The following PLCL1 variants were observed in gnomAD, a reference collection of about 807,000 sequenced individuals.
PLCL1 encodes inactive phospholipase C-like protein 1.
Under a neutral mutation model 84.4 loss-of-function variants are expected in PLCL1, and 41 were observed. The ratio of observed to expected loss-of-function variants is 0.49; its 90% confidence interval spans 0.38 to 0.63. The LOEUF is 0.63. Ranked by LOEUF, PLCL1 falls within the 30% of genes least tolerant of loss-of-function variation. The pLI is 0.00. For missense variants in PLCL1, 1,206 were observed against 1,367.8 expected (o/e 0.88, Z 1.87); for synonymous variants, 490 against 488.3 (o/e 1.00, Z -0.05).
chr2:197,986,074 T>A (rs1282664353), intron 1 of PLCL1, among the ~76,000 whole-genome samples: 1 of 152,204 alleles, frequency 6.6e-6, no homozygotes, highest in East Asian at 1.9e-4. Flanking sequence ...ATTAGATTCC[T>A]ATATGACATC....
chr2:197,910,819 G>A (rs553560926), intron 1 of PLCL1, among the ~76,000 whole-genome samples: 12 of 152,184 alleles, frequency 7.9e-5, no homozygotes, highest in African/African-American at 2.2e-4. Flanking sequence ...TCAATGTAAC[G>A]CATATTACAT....
chr2:198,131,047 C>T (rs952302878), intron 5 of PLCL1, among the ~76,000 whole-genome samples: 5 of 152,122 alleles, frequency 3.3e-5, no homozygotes, highest in Non-Finnish European at 5.9e-5. Context: ...CTTCGTCTCT[C>T]ATTGCCTTCT....
At chr2:197,923,159 C>G (rs1688748267) in intron 1 of PLCL1, among the ~76,000 whole-genome samples, 2 of 142,122 alleles carry the variant, frequency 1.4e-5, no homozygotes, top group South Asian at 2.3e-4. Flanking sequence ...GGCGGCCGGG[C>G]AGAGGCGCCC....
At chr2:197,843,805 T>G (rs766392725) in intron 1 of PLCL1, among the ~76,000 whole-genome samples, 2 of 152,208 alleles carry the variant, frequency 1.3e-5, no homozygotes, top group Non-Finnish European at 2.9e-5. Flanking sequence ...AACTTACTCT[T>G]ATTGCAAATA....
chr2:197,878,580 G>A (rs925870471), intron 1 of PLCL1, among the ~76,000 whole-genome samples: 4 of 152,068 alleles, frequency 2.6e-5, no homozygotes, highest in African/African-American at 9.7e-5. Context: ...AAGTCAATGG[G>A]GGATGAAAGT....
chr2:197,850,031 GACACACACACACACACACACAC>G (rs5837563), intron 1 of PLCL1, among the ~76,000 whole-genome samples: 3 of 135,036 alleles, frequency 2.2e-5, no homozygotes, highest in East Asian at 2.3e-4. Context: ...GACACACACA[GACACACACACACACACACACAC>G]ACACACACAC....
chr2:197,847,626 A>C (rs1687148130), intron 1 of PLCL1, among the ~76,000 whole-genome samples: 1 of 152,210 alleles, frequency 6.6e-6, no homozygotes, highest in South Asian at 2.1e-4. Context: ...ACTCACTGAA[A>C]CTGAAATTTG....
chr2:198,090,569 T>C (rs1434408212), intron 3 of PLCL1, among the ~76,000 whole-genome samples: 1 of 152,206 alleles, frequency 6.6e-6, no homozygotes, highest in Admixed American at 6.5e-5. Context: ...CATGTTCTGC[T>C]TATGAATGAC....
At chr2:197,876,513 A>C (rs1014807842) in intron 1 of PLCL1, among the ~76,000 whole-genome samples, 2 of 152,106 alleles carry the variant, frequency 1.3e-5, no homozygotes, top group Non-Finnish European at 2.9e-5. Flanking sequence ...AATTTAAAGA[A>C]CAGATTGAAT....
chr2:198,033,197 A>G (rs1339152226), intron 1 of PLCL1, among the ~76,000 whole-genome samples: 1 of 152,224 alleles, frequency 6.6e-6, no homozygotes, highest in Non-Finnish European at 1.5e-5. Context: ...AAGCACTGAG[A>G]CTATGCAGTG....
intron 1 of PLCL1, among the ~76,000 whole-genome samples, chr2:198,053,049 T>C (rs1168083651): frequency 6.6e-6 from 1 of 152,218 alleles, no homozygotes; most frequent in Non-Finnish European, 1.5e-5. Context: ...CTGAGAGACC[T>C]TCAAGTTCTA....
At position 197,876,557 on chromosome 2, in the gene PLCL1, G is replaced by A. The variant is rs115836431; in HGVS notation, c.240+71218G>A. ...ATGGCAACTGGATGGTAAACTCCTTGAAGATAGGACATCTTATACTACCTT... is the reference window on the plus strand; with the variant it reads ...ATGGCAACTGGATGGTAAACTCCTTAAAGATAGGACATCTTATACTACCTT... On this transcript the variant is annotated intron_variant, in intron 1 of 5. Coordinates refer to ENST00000428675, the MANE Select transcript of PLCL1 (RefSeq NM_006226.4). Among the ~76,000 whole-genome samples the A allele has an allele frequency of 4.3e-3, 658 of 152,070 alleles. 5 individuals are homozygous for A. Among genetic ancestry groups the A allele is most frequent in the African/African-American group, 0.015 (630 of 41,508 alleles).
intron 1 of PLCL1, among the ~76,000 whole-genome samples, chr2:198,041,983 G>A (rs1404837181): frequency 1.3e-5 from 2 of 152,188 alleles, no homozygotes; most frequent in Non-Finnish European, 2.9e-5. Flanking sequence ...CTATCTGCAA[G>A]TGATGAATCA....
At chr2:197,868,694 A>C in intron 1 of PLCL1, among the ~76,000 whole-genome samples, 2 of 148,256 alleles carry the variant, frequency 1.3e-5, no homozygotes, top group African/African-American at 2.5e-5. Context: ...TTTAGTAGAG[A>C]TAAGGTCTCG....
chr2:198,027,036 G>A (rs967968565), intron 1 of PLCL1, among the ~76,000 whole-genome samples: 6 of 152,094 alleles, frequency 3.9e-5, no homozygotes, highest in Non-Finnish European at 7.4e-5. Flanking sequence ...AAGGAAATTA[G>A]TATGTTGAAA....
chr2:197,848,061 C>G (rs1219379490), intron 1 of PLCL1, among the ~76,000 whole-genome samples: 1 of 152,182 alleles, frequency 6.6e-6, no homozygotes, highest in South Asian at 2.1e-4. Context: ...AGAACCCATA[C>G]TATAGAATGA....
At chr2:198,053,577 T>C (rs1691992030) in intron 1 of PLCL1, among the ~76,000 whole-genome samples, 1 of 152,260 alleles carries the variant, frequency 6.6e-6, no homozygotes. Context: ...GTGATGTATC[T>C]AAGTCACTGT....
chr2:198,042,040 G>A (rs199550402), intron 1 of PLCL1, among the ~76,000 whole-genome samples: 3 of 152,140 alleles, frequency 2.0e-5, no homozygotes, highest in East Asian at 3.9e-4. Context: ...CGCCTTTCCA[G>A]TCTCCTTTGG....
intron 1 of PLCL1, among the ~76,000 whole-genome samples, chr2:197,981,517 A>G (rs1357187278): frequency 6.6e-6 from 1 of 152,230 alleles, no homozygotes; most frequent in Non-Finnish European, 1.5e-5. Flanking sequence ...CATGTAAATC[A>G]TATTGACACA....
Sources: allele counts gnomAD v4.1 joint callset (sites outside exome capture counted in the v4.1 genomes callset), GRCh38; gene constraint gnomAD v4.1.1; transcripts MANE v1.5; gene names NCBI Gene and HGNC (gene_info 2026-07-23, HGNC 2026-07-21).